OSBPL11: variants seen among roughly 807,000 people sequenced by gnomAD.
The protein encoded by OSBPL11 is oxysterol binding protein like 11, also known as oxysterol-binding protein-related protein 11.
A neutral mutation model predicts 84.4 loss-of-function variants in OSBPL11; 33 were observed. That is an observed-to-expected ratio of 0.39 (90% confidence interval 0.30 to 0.52). The LOEUF (loss-of-function observed/expected upper bound fraction) is 0.52. OSBPL11 is among the 20% of genes least tolerant of loss of function. The pLI, the probability that OSBPL11 is intolerant of heterozygous loss-of-function variation, is 0.72. For synonymous variants in OSBPL11, 276 were observed against 310.2 expected, an observed-to-expected ratio of 0.89 and a Z score of 1.16; for missense variants, 736 against 901.1, an observed-to-expected ratio of 0.82 and a Z score of 2.35.
At position 125,531,914 on chromosome 3, in the gene OSBPL11, T is replaced by G. The variant is rs145979521; in HGVS notation, c.2125A>C (p.Arg709=). ...GGTGTGCCTGTTTCAGTACGATGCC[T>G]TTCTTCAGTCCTCTGACGTTCTTCC... The part of the protein sequence containing the change: ...TLEERQRTEE[R]HRTETGTPWK... Residue 709 remains arginine, a synonymous_variant, in exon 12 of 13, where the codon AGG becomes CGG. Transcript: ENST00000296220. The G allele has an allele frequency of 3.5e-5, 57 of 1,614,014 alleles. No homozygotes were observed. Among genetic ancestry groups the G allele is most frequent in the Non-Finnish European group, 4.7e-5 (55 of 1,180,030 alleles).
chr3:125,531,927 C>T lies in OSBPL11; in HGVS notation c.2112G>A (p.Gln704=), dbSNP rs1935562915. Residue 704 remains glutamine (Q), a synonymous_variant, in exon 12 of 13, where the codon CAG becomes CAA. Transcript: ENST00000296220. ...CAGTACGATGCCTTTCTTCAGTCCTCTGACGTTCTTCCAGGGTATGCTTAT... is the reference window on the plus strand; with the variant it reads ...CAGTACGATGCCTTTCTTCAGTCCTTTGACGTTCTTCCAGGGTATGCTTAT... ...TEHKHTLEER[Q]RTEERHRTET... The T allele has an allele frequency of 1.2e-6, 2 of 1,614,036 alleles. No homozygotes were observed. The highest frequency in any genetic ancestry group is 1.1e-5 in the South Asian group (1 of 91,084).
At chr3:125,565,324 G>T (rs1936137488) in intron 6 of OSBPL11, among the ~76,000 whole-genome samples, 1 of 152,088 alleles carries the variant, frequency 6.6e-6, no homozygotes, top group Non-Finnish European at 1.5e-5. Flanking sequence ...TGTTTCATTT[G>T]ACTGAGAATT....
chr3:125,576,154 T>C, intron 5 of OSBPL11, 35 bp downstream of exon 5: 1 of 1,561,588 alleles, frequency 6.4e-7, no homozygotes, highest in South Asian at 1.2e-5. Flanking sequence ...TAAAATCATT[T>C]TGTGCATTTT....
At chr3:125,545,535 A>G (rs1935799286) in intron 10 of OSBPL11, among the ~76,000 whole-genome samples, 1 of 152,164 alleles carries the variant, frequency 6.6e-6, no homozygotes, top group Non-Finnish European at 1.5e-5. Flanking sequence ...CTCAGACTGA[A>G]AGCTTCTTGT....
chr3:125,530,879 C>T lies in OSBPL11; in HGVS notation c.2179-299G>A, dbSNP rs1935545406. Among the ~76,000 whole-genome samples, 2 of 152,196 alleles carry T rather than the reference C, an allele frequency of 1.3e-5. 1 individual carries two copies. Among genetic ancestry groups the T allele is most frequent in the South Asian group, 4.1e-4 (2 of 4,830 alleles). On this transcript the variant is annotated intron_variant, in intron 12 of 12. Coordinates refer to ENST00000296220, the MANE Select transcript of OSBPL11 (RefSeq NM_022776.5). ...CCAAGATGCTACAGATTGAGCCTCA[C>T]TCACAGAGTTATGGGCAGCAGGTGG...
chr3:125,536,299 AT>A (rs903619001), intron 11 of OSBPL11, among the ~76,000 whole-genome samples: 3 of 152,178 alleles, frequency 2.0e-5, no homozygotes, highest in Non-Finnish European at 4.4e-5. Context: ...GAATGTCAAT[AT>A]TTTTTCAAAT....
At chr3:125,567,655 C>G (rs1936180642) in intron 5 of OSBPL11, 60 bp from the exon 6 acceptor site, 13 of 1,380,058 alleles carry the variant, frequency 9.4e-6, no homozygotes, top group Non-Finnish European at 1.3e-5. Flanking sequence ...TGTATACATA[C>G]AGTTGCCATT....
intron 12 of OSBPL11, 110 bp from the exon 13 acceptor site, chr3:125,530,690 A>C: frequency 1.1e-6 from 1 of 910,790 alleles, no homozygotes; most frequent in Admixed American, 2.2e-5. Flanking sequence ...CACATTCAAA[A>C]ACAAGTTTTT....
intron 5 of OSBPL11, among the ~76,000 whole-genome samples, chr3:125,567,966 C>T (rs1411274541): frequency 6.7e-6 from 1 of 149,244 alleles, no homozygotes. Context: ...TGAACTGCAG[C>T]CTGGGCAAAA....
At chr3:125,578,358 G>A (rs2107608278) in intron 4 of OSBPL11, among the ~76,000 whole-genome samples, 1 of 152,202 alleles carries the variant, frequency 6.6e-6, no homozygotes, top group Non-Finnish European at 1.5e-5. Flanking sequence ...AGTTTGCTAG[G>A]GGATTGGGAA....
At chr3:125,570,697 A>G (rs1405140180) in intron 5 of OSBPL11, among the ~76,000 whole-genome samples, 3 of 152,086 alleles carry the variant, frequency 2.0e-5, no homozygotes, top group Non-Finnish European at 4.4e-5. Context: ...TCCCCTGCAC[A>G]AGTTCTCTCT....
intron 5 of OSBPL11, among the ~76,000 whole-genome samples, chr3:125,573,550 T>C (rs1936273482): frequency 1.3e-5 from 2 of 152,294 alleles, no homozygotes; most frequent in Admixed American, 1.3e-4. Flanking sequence ...AAGGACAGTA[T>C]GATACTACTC....
chr3:125,594,881 A>T lies in OSBPL11; in HGVS notation c.-81T>A. The T allele has an allele frequency of 1.4e-6, 2 of 1,463,720 alleles. No homozygotes were observed. The highest frequency in any genetic ancestry group is 2.3e-5 in the East Asian group (1 of 43,784). 90.7% of individuals were successfully genotyped at this position (1,463,720 alleles called of 1,614,324 possible). ...CTGTAGGTGACTTTTTTTTTTTAAG[A>T]TTTGATCTGAATATGATACCGGTTG... On this transcript the variant is annotated 5_prime_UTR_variant, in exon 1 of 13. Coordinates refer to ENST00000296220, the MANE Select transcript of OSBPL11 (RefSeq NM_022776.5).
chr3:125,556,992 A>C lies in OSBPL11; in HGVS notation c.1155+3387T>G, dbSNP rs151106244. Among the ~76,000 whole-genome samples the C allele has an allele frequency of 3.1e-3, 470 of 152,316 alleles. 7 individuals are homozygous for C. In the South Asian group the frequency reaches 0.037, roughly 12 times the overall value. The stretch of plus-strand genomic sequence containing the variant: ...ATACCATTCAGTCTTCTGTGTGTTT[A>C]ACACATTTCATACACACAAAAATTA... On this transcript the variant is annotated intron_variant, in intron 8 of 12. Coordinates refer to ENST00000296220, the MANE Select transcript of OSBPL11 (RefSeq NM_022776.5).
At chr3:125,536,002 G>A (rs1935635436) in intron 11 of OSBPL11, among the ~76,000 whole-genome samples, 1 of 151,740 alleles carries the variant, frequency 6.6e-6, no homozygotes. Flanking sequence ...GGGTGTGGTG[G>A]TGTGCACCTG....
chr3:125,537,858 T>A (rs905241848), intron 11 of OSBPL11, among the ~76,000 whole-genome samples: 4 of 152,182 alleles, frequency 2.6e-5, no homozygotes, highest in Admixed American at 2.6e-4. Context: ...CACGTATAGA[T>A]CCACTTTATT....
At chr3:125,559,747 T>G (rs1936047278) in intron 8 of OSBPL11, among the ~76,000 whole-genome samples, 1 of 152,002 alleles carries the variant, frequency 6.6e-6, no homozygotes, top group South Asian at 2.1e-4. Context: ...ACGTTGGTCT[T>G]GAACTTCTGA....
At chr3:125,541,929 T>C (rs1935734425) in intron 10 of OSBPL11, among the ~76,000 whole-genome samples, 1 of 152,132 alleles carries the variant, frequency 6.6e-6, no homozygotes, top group Non-Finnish European at 1.5e-5. Context: ...TTTGAATACA[T>C]GTCTAAAGGA....
At chr3:125,565,725 G>C (rs184874960) in intron 6 of OSBPL11, among the ~76,000 whole-genome samples, 1 of 151,974 alleles carries the variant, frequency 6.6e-6, no homozygotes, top group South Asian at 2.1e-4. Context: ...AATTTATATT[G>C]AACTACTTAC....
Sources: gnomAD v4.1 joint callset for allele counts (sites outside exome capture counted in the v4.1 genomes callset) on GRCh38, gnomAD v4.1.1 for gene constraint, MANE v1.5 for transcripts, NCBI Gene and HGNC (gene_info 2026-07-23, HGNC 2026-07-21) for gene names.